The following ANAPC7 variants were observed in gnomAD, a reference collection of about 807,000 sequenced individuals.
ANAPC7 encodes the protein anaphase-promoting complex subunit 7.
In ANAPC7, 25 loss-of-function variants were observed where a neutral mutation model predicts 63.3. The ratio of observed to expected loss-of-function variants is 0.39; its 90% CI spans 0.29 to 0.55. The LOEUF (loss-of-function observed/expected upper bound fraction) is 0.55, where lower values mean the gene tolerates loss of function less well. ANAPC7 is among the 20% of genes least tolerant of loss of function. The pLI is 0.57. For synonymous variants in ANAPC7, 241 were observed against 251.7 expected, an observed-to-expected ratio of 0.96 and a Z score of 0.40; for missense variants, 516 against 691.7, an observed-to-expected ratio of 0.75 and a Z score of 2.85.
intron 3 of ANAPC7, among the ~76,000 whole-genome samples, chr12:110,394,016 CA>C (rs574889127): frequency 7.2e-5 from 10 of 138,528 alleles, no homozygotes; most frequent in Non-Finnish European, 4.7e-5. Context: ...ACTAAAAATA[CA>C]AAAAAAAAAT....
intron 7 of ANAPC7, among the ~76,000 whole-genome samples, chr12:110,382,456 AAAAAAATATATATATATATATATATATAT>A (rs1417785944): frequency 1.2e-5 from 1 of 86,200 alleles, no homozygotes; most frequent in Non-Finnish European, 2.4e-5. Context: ...AAAAAAAAAA[AAAAAAATATATATATATATATATATATAT>A]ATATATATAT....
intron 3 of ANAPC7, among the ~76,000 whole-genome samples, chr12:110,392,796 G>GT (rs1003327229): frequency 2.0e-5 from 3 of 151,814 alleles, no homozygotes; most frequent in African/African-American, 4.8e-5. Context: ...TTTTTTGTTT[G>GT]TTTTTTTGTT....
At chr12:110,388,450 G>A in intron 4 of ANAPC7, 62 bp downstream of exon 4, 1 of 1,316,216 alleles carries the variant, frequency 7.6e-7, no homozygotes, top group Non-Finnish European at 1.1e-6. Context: ...GTACAGGCAA[G>A]ATTGAGAACT....
intron 1 of ANAPC7, among the ~76,000 whole-genome samples, chr12:110,397,347 G>C (rs73206880): frequency 6.6e-6 from 1 of 151,734 alleles, no homozygotes; most frequent in Admixed American, 6.6e-5. Flanking sequence ...AAGATCACAA[G>C]ATCGAGATCA....
chr12:110,402,516 A>G (rs2062246492), intron 1 of ANAPC7, among the ~76,000 whole-genome samples: 1 of 150,026 alleles, frequency 6.7e-6, no homozygotes, highest in Non-Finnish European at 1.5e-5. Context: ...GTATTTTTTA[A>G]GCAGAGACGG....
In ANAPC7 at chr12:110,382,461, A is replaced by AATATATAT. The variant is rs66967302; in HGVS notation, c.935+374_935+381dup. On this transcript the variant is annotated intron_variant, in intron 7 of 10. Coordinates refer to ENST00000455511, the MANE Select transcript of ANAPC7 (RefSeq NM_016238.3). ...CCTTTTAAAAAAAAAAAAAAAAAAA[A>AATATATAT]ATATATATATATATATATATATATA... 1.9e-3 allele frequency among the ~76,000 whole-genome samples: 58 copies of AATATATAT among 30,836 alleles called. 2 individuals carry two copies. Among genetic ancestry groups the AATATATAT allele is most frequent in the Admixed American group, 2.7e-3 (5 of 1,862 alleles). The allele number at this position is 30,836 out of a possible 152,430, so 20.2% of individuals were successfully genotyped here.
intron 3 of ANAPC7, 55 bp downstream of exon 3, chr12:110,395,046 A>G (rs1883451491): frequency 6.4e-7 from 1 of 1,568,004 alleles, no homozygotes. Context: ...AAACATGGAG[A>G]GAGGGAGCAG....
chr12:110,375,887 T>G (rs1335979863), intron 10 of ANAPC7, 179 bp downstream of exon 10: 12 of 1,323,368 alleles, frequency 9.1e-6, no homozygotes, highest in Non-Finnish European at 1.2e-5. Flanking sequence ...GTTAATATAT[T>G]TTAAGAAAAA....
intron 5 of ANAPC7, 104 bp from the exon 6 acceptor site, chr12:110,386,573 A>C (rs982264159): frequency 1.3e-5 from 14 of 1,107,878 alleles, no homozygotes; most frequent in Non-Finnish European, 1.8e-5. Context: ...CTTTTGCATA[A>C]ATATAAAATT....
At chr12:110,384,987 G>T (rs1415777763) in intron 6 of ANAPC7, among the ~76,000 whole-genome samples, 3 of 152,182 alleles carry the variant, frequency 2.0e-5, no homozygotes, top group African/African-American at 7.2e-5. Flanking sequence ...CCTCGGGCTG[G>T]GTGCAGTGGC....
At chr12:110,399,296 A>C (rs549721827) in intron 1 of ANAPC7, among the ~76,000 whole-genome samples, 1 of 151,706 alleles carries the variant, frequency 6.6e-6, no homozygotes, top group Admixed American at 6.6e-5. Flanking sequence ...CTGGGATTAC[A>C]GGCGTGAGCC....
rs1883476366 is a variant in ANAPC7 at position 110,395,300 on chromosome 12, T to C, written c.289-80A>G. On this transcript the variant is annotated intron_variant, in intron 2 of 10. Coordinates refer to ENST00000455511, the MANE Select transcript of ANAPC7 (RefSeq NM_016238.3). ...CTTCAAAACGTTAAACATAGAGTTA[T>C]CATATGACCCAGCAATTCTTTTTTT... 4 of 1,397,640 alleles carry C rather than the reference T, an allele frequency of 2.9e-6. No homozygotes were observed. The South Asian group carries it at 4.1e-5, about 14-fold the overall frequency. 86.6% of individuals were successfully genotyped at this position (1,397,640 alleles called of 1,614,324 possible).
chr12:110,402,216 T>C (rs906097590), intron 1 of ANAPC7, among the ~76,000 whole-genome samples: 2 of 151,522 alleles, frequency 1.3e-5, no homozygotes, highest in African/African-American at 4.9e-5. Flanking sequence ...AATAACAGAA[T>C]AGCCAGGGAG....
chr12:110,399,580 T>C (rs2062195400), intron 1 of ANAPC7, among the ~76,000 whole-genome samples: 1 of 152,056 alleles, frequency 6.6e-6, no homozygotes, highest in Non-Finnish European at 1.5e-5. Flanking sequence ...CTTCTGGAGT[T>C]AGATCATGGT....
chr12:110,403,465 C>T (rs2062262994), intron 1 of ANAPC7, 62 bp downstream of exon 1: 1 of 1,525,300 alleles, frequency 6.6e-7, no homozygotes, highest in South Asian at 1.2e-5. Context: ...TGCCCTGAGC[C>T]CCCGCTCCCA....
chr12:110,376,141 T>C lies in ANAPC7; in HGVS notation c.1433A>G (p.His478Arg). The change falls in exon 10 of 11, where the codon CAT (histidine) becomes CGT (arginine). Residue 478 changes from histidine to arginine, a missense_variant. By Grantham distance (29) the His-to-Arg change is conservative (BLOSUM62 0). This residue lies in a region of ANAPC7 where 122 missense variants were observed against 212.0 expected (regional missense o/e 0.58). Coordinates refer to ENST00000455511, the MANE Select transcript of ANAPC7 (RefSeq NM_016238.3). The part of the protein sequence containing the change: ...ALANQSDCVL[H>R]RILGDFLVAV... Reference sequence around the variant, plus strand: ...TACAAGGAAATCTCCTAGGATCCGATGCAGGACACAGTCACTCTGATTAGC... The same window carrying C: ...TACAAGGAAATCTCCTAGGATCCGACGCAGGACACAGTCACTCTGATTAGC... 5.6e-6 allele frequency: 9 copies of C among 1,614,186 alleles called. No homozygotes were observed. Among genetic ancestry groups the C allele is most frequent in the Non-Finnish European group, 7.6e-6 (9 of 1,180,038 alleles).
Position 110,381,924 on chromosome 12 carries a change from G to C in ANAPC7, c.960C>G (p.Arg320=), listed in dbSNP as rs143938358. Residue 320 remains arginine (R), a synonymous_variant, in exon 8 of 11, where the codon CGC becomes CGG. Coordinates refer to ENST00000455511, the MANE Select transcript of ANAPC7 (RefSeq NM_016238.3). ...CTCCTAAATAGAGGGCCCGGGAGTA[G>C]CGTTTGCTATAGAAGCTGTGACAGC... is the stretch of plus-strand genomic sequence containing the variant. ...VSGCHSFYSK[R]YSRALYLGAK... The C allele has an allele frequency of 1.7e-4, 260 of 1,499,034 alleles. No homozygotes were observed. Among genetic ancestry groups the C allele is most frequent in the Non-Finnish European group, 2.3e-4 (249 of 1,103,676 alleles). 92.9% of individuals were successfully genotyped at this position (1,499,034 alleles called of 1,614,324 possible). A position where few individuals can be genotyped will look rare whatever the true frequency, so the allele number is the denominator to read the frequency against.
chr12:110,390,740 T>C lies in ANAPC7; in HGVS notation c.409-2117A>G, dbSNP rs533827526. On this transcript the variant is annotated intron_variant, in intron 3 of 10. Transcript: ENST00000455511. ...ACTCCAGGATTGATGTCAATACTTG[T>C]AAAGAATAAAAAGTTAAATTTAAGA... is the stretch of plus-strand genomic sequence containing the variant. Among the ~76,000 whole-genome samples the C allele has an allele frequency of 5.9e-5, 9 of 152,326 alleles. No homozygotes were observed. In the South Asian group the frequency reaches 8.3e-4, roughly 14 times the overall value.
intron 2 of ANAPC7, 38 bp downstream of exon 2, chr12:110,396,228 A>C (rs1426729234): frequency 7.0e-7 from 1 of 1,421,104 alleles, no homozygotes; most frequent in Non-Finnish European, 9.5e-7. Flanking sequence ...TCTTTCTCAA[A>C]AAAAAAAAAA....
Sources: allele counts gnomAD v4.1 joint callset (sites outside exome capture counted in the v4.1 genomes callset), GRCh38; gene constraint gnomAD v4.1.1; regional missense constraint gnomAD v4.1.1; transcripts MANE v1.5; gene names NCBI Gene and HGNC (gene_info 2026-07-23, HGNC 2026-07-21).